Variants in PCDHGA5 observed in about 807,000 individuals in gnomAD.
PCDHGA5 encodes the protein protocadherin gamma subfamily A, 5.
Under a neutral mutation model 56.7 loss-of-function variants are expected in PCDHGA5, and 36 were observed. The ratio of observed to expected loss-of-function variants is 0.64; its 90% CI spans 0.49 to 0.84. The LOEUF (loss-of-function observed/expected upper bound fraction) is 0.84, where lower values mean the gene tolerates loss of function less well. Among genes scored for constraint, PCDHGA5 ranks in the 40% least tolerant of loss-of-function variants. The pLI, the probability that PCDHGA5 is intolerant of heterozygous loss-of-function variation, is 0.00. For missense variants in PCDHGA5, 1,305 were observed against 1,201.5 expected (o/e 1.09, Z -1.27); for synonymous variants, 563 against 520.2 (o/e 1.08, Z -1.12).
chr5:141,408,974 G>C lies in PCDHGA5; in HGVS notation c.2421+42223G>C, dbSNP rs899313364. 8.7e-6 allele frequency: 14 copies of C among 1,613,690 alleles called. No individual in the cohort carries two copies. In the African/African-American group the frequency reaches 1.9e-4, roughly 22 times the overall value. On this transcript the variant is annotated intron_variant, in intron 1 of 3. Transcript: ENST00000518069. ...TAGTCTTAGTGAAAATCTGCCCCCT[G>C]GGTCCCCTGTGTTGCAAGTGACAGC...
chr5:141,398,197 T>G lies in PCDHGA5; in HGVS notation c.2421+31446T>G, dbSNP rs1317220760. On this transcript the variant is annotated intron_variant, in intron 1 of 3. Transcript: ENST00000518069. Reference sequence around the variant, plus strand: ...AGTGCTCTTTCTCTTCCTGCTGTCTTTGTTCTGCCCGGCGCTCTGTGAGCA... The same window carrying G: ...AGTGCTCTTTCTCTTCCTGCTGTCTGTGTTCTGCCCGGCGCTCTGTGAGCA... 2.7e-6 allele frequency: 4 copies of G among 1,492,294 alleles called. No homozygotes were observed. The African/African-American group carries it at 4.2e-5, about 16-fold the overall frequency. The allele number at this position is 1,492,294 out of a possible 1,614,324, so 92.4% of individuals were successfully genotyped here.
Position 141,431,075 on chromosome 5 carries a change from C to G in PCDHGA5, c.2422-63732C>G. ...GGGGGCCATCAAGTGTCAATTAAAT[C>G]TAGACATTCTGATGGAGGATAAAGT... is the stretch of plus-strand genomic sequence containing the variant. On this transcript the variant is annotated intron_variant, in intron 1 of 3. Coordinates refer to ENST00000518069, the MANE Select transcript of PCDHGA5 (RefSeq NM_018918.3). The surrounding 1 kb of genome is among the most constrained non-coding windows in gnomAD (Gnocchi z 4.8). 1 of 1,614,156 alleles carries G rather than the reference C, an allele frequency of 6.2e-7. No homozygotes were observed. Among genetic ancestry groups the G allele is most frequent in the Non-Finnish European group, 8.5e-7 (1 of 1,179,984 alleles).
In PCDHGA5 at chr5:141,476,933, GA is replaced by G; in HGVS notation, c.2422-17872del. 1 of 1,614,176 alleles carries G rather than the reference GA, an allele frequency of 6.2e-7. No individual in the cohort carries two copies. Reference sequence around the variant, plus strand: ...ACAAGTCCTTGCAACGGATCTGGATGAAGGCCCCAACGGTGAAATTATTTAC... The same window carrying G: ...ACAAGTCCTTGCAACGGATCTGGATGAGGCCCCAACGGTGAAATTATTTAC... On this transcript the variant is annotated intron_variant, in intron 1 of 3. Transcript: ENST00000518069. This position sits in a 1 kb window ranked among gnomAD's most constrained non-coding sequence, Gnocchi z 7.6.
At chr5:141,389,571 C>T (rs2091830159) in intron 1 of PCDHGA5, 2 of 1,613,136 alleles carry the variant, frequency 1.2e-6, no homozygotes, top group East Asian at 2.2e-5. Context: ...GGTGCTGTAC[C>T]CCGCGCTGGG....
chr5:141,511,049 G>A lies in PCDHGA5; in HGVS notation c.2672G>A (p.Arg891His), dbSNP rs61749029. 408 of 1,614,098 alleles carry A rather than the reference G, an allele frequency of 2.5e-4. No individual in the cohort carries two copies. Among genetic ancestry groups the A allele is most frequent in the South Asian group, 7.2e-4 (66 of 91,094 alleles). Residue 891 changes from arginine (R) to histidine (H), a missense_variant, in exon 4 of 4, where the codon CGC becomes CAC. Transcript: ENST00000518069. ...QFTLQHVPDY[R>H]QNVYIPGSNA... ...ACCCTGCAGCACGTGCCCGACTACC[G>A]CCAGAATGTCTACATCCCAGGCAGC...
At chr5:141,497,354 A>G (rs1430368474) in intron 2 of PCDHGA5, among the ~76,000 whole-genome samples, 1 of 152,054 alleles carries the variant, frequency 6.6e-6, no homozygotes, top group Non-Finnish European at 1.5e-5. Flanking sequence ...AGCCCCACCA[A>G]CTGCCTCTCA....
At chr5:141,458,172 T>A (rs1023447659) in intron 1 of PCDHGA5, among the ~76,000 whole-genome samples, 2 of 152,216 alleles carry the variant, frequency 1.3e-5, no homozygotes, top group African/African-American at 4.8e-5. Flanking sequence ...CACAGTAGTA[T>A]ACCTTACTTG....
rs185995562 is a variant in PCDHGA5 at position 141,410,475 on chromosome 5, A to T, written c.2421+43724A>T. 63 of 1,614,052 alleles carry T rather than the reference A, an allele frequency of 3.9e-5. No individual in the cohort carries two copies. The highest frequency in any genetic ancestry group is 3.3e-4 in the Middle Eastern group (2 of 6,062). ...TATTCTTATAATCTGTGCATTGCAC[A>T]TACGGGTACAAAAGAGTTTAATTTC... On this transcript the variant is annotated intron_variant, in intron 1 of 3. Transcript: ENST00000518069.
intron 1 of PCDHGA5, chr5:141,410,291 G>A: frequency 1.2e-6 from 2 of 1,613,948 alleles, no homozygotes; most frequent in Non-Finnish European, 1.7e-6. Flanking sequence ...GGTGGCCTTG[G>A]CCTTAATCTC....
Position 141,485,330 on chromosome 5 carries a change from C to T in PCDHGA5, c.2422-9477C>T. On this transcript the variant is annotated intron_variant, in intron 1 of 3. Transcript: ENST00000518069. This position sits in a 1 kb window ranked among gnomAD's most constrained non-coding sequence, Gnocchi z 5.7. ...TGTAGGGAATGTCGCTCAAGATTTC[C>T]TGCTGGATACGGACAGTCTGTCAGC... 6.2e-7 allele frequency: 1 copy of T among 1,614,164 alleles called. No individual in the cohort carries two copies. Among genetic ancestry groups the T allele is most frequent in the East Asian group, 2.2e-5 (1 of 44,862 alleles).
intron 1 of PCDHGA5, chr5:141,379,293 A>G (rs1451053160): frequency 6.6e-6 from 1 of 152,248 alleles, no homozygotes; most frequent in Non-Finnish European, 1.5e-5. Context: ...CAAGTTTCCA[A>G]AGGTATATAC....
intron 1 of PCDHGA5, among the ~76,000 whole-genome samples, chr5:141,381,529 A>G (rs530526235): frequency 3.3e-5 from 5 of 152,212 alleles, no homozygotes; most frequent in Non-Finnish European, 5.9e-5. Context: ...TTTGAATTGC[A>G]TACTAGGATG....
At chr5:141,376,334 C>A (rs11575955) in intron 1 of PCDHGA5, 21,352 of 1,614,178 alleles carry the variant, frequency 0.013, 167 homozygotes, top group Non-Finnish European at 0.016. Flanking sequence ...GGCTTTCCTG[C>A]AGACCTATTC....
At chr5:141,393,377 AGC>A (rs1313389663) in intron 1 of PCDHGA5, 1 of 1,613,966 alleles carries the variant, frequency 6.2e-7, no homozygotes, top group Admixed American at 1.7e-5. Context: ...GAGACAATGG[AGC>A]CATAAACCCA....
intron 1 of PCDHGA5, chr5:141,385,132 G>C (rs763210124): frequency 1.2e-6 from 2 of 1,614,094 alleles, no homozygotes; most frequent in African/African-American, 1.3e-5. Flanking sequence ...GGGCATGGAC[G>C]GGGTGCAGGC....
intron 1 of PCDHGA5, among the ~76,000 whole-genome samples, chr5:141,401,282 C>T (rs963741934): frequency 2.6e-5 from 4 of 151,884 alleles, no homozygotes; most frequent in Non-Finnish European, 4.4e-5. Flanking sequence ...GTGGAGGTTG[C>T]GGTGAGCCGA....
In PCDHGA5 at chr5:141,405,631, C is replaced by T. The variant is rs150331884; in HGVS notation, c.2421+38880C>T. The T allele has an allele frequency of 4.9e-3, 2,596 of 530,826 alleles. 48 individuals carry two copies. The highest frequency in any genetic ancestry group is 0.045 in the African/African-American group (2,348 of 52,012). The allele number at this position is 530,826 out of a possible 1,614,324, so 32.9% of individuals were successfully genotyped here. ...CTGGGACTACAGGCACGTGCCACCA[C>T]GCCCGGCTAATTTTTTGTGTGTTTT... is the stretch of plus-strand genomic sequence containing the variant. On this transcript the variant is annotated intron_variant, in intron 1 of 3. Transcript: ENST00000518069.
intron 1 of PCDHGA5, chr5:141,371,317 A>G: frequency 1.9e-6 from 3 of 1,613,996 alleles, no homozygotes; most frequent in East Asian, 2.2e-5. Flanking sequence ...GGAGAACTGG[A>G]CTTTGAAGAG....
intron 1 of PCDHGA5, chr5:141,420,545 A>G: frequency 3.5e-6 from 1 of 289,066 alleles, no homozygotes; most frequent in Non-Finnish European, 6.2e-6. Flanking sequence ...TATAAAATAC[A>G]GGTATATTTT....
Sources: gnomAD v4.1 joint callset for allele counts (sites outside exome capture counted in the v4.1 genomes callset) on GRCh38, gnomAD v4.1.1 for gene constraint, Gnocchi (gnomAD v3.1) non-coding constraint, MANE v1.5 for transcripts, NCBI Gene and HGNC (gene_info 2026-07-23, HGNC 2026-07-21) for gene names.